CSN1S1: variants seen among roughly 807,000 people sequenced by gnomAD.
CSN1S1 encodes the protein alpha-S1-casein.
A neutral mutation model predicts 49.1 loss-of-function variants in CSN1S1; 63 were observed. The ratio of observed to expected loss-of-function variants is 1.28; its 90% CI spans 1.05 to 1.58. The LOEUF (loss-of-function observed/expected upper bound fraction) is 1.58, where lower values mean the gene tolerates loss of function less well. Among genes scored for constraint, CSN1S1 ranks in the 40% most tolerant of loss-of-function variants. The pLI, the probability that CSN1S1 is intolerant of heterozygous loss-of-function variation, is 0.00. For missense variants in CSN1S1, 260 were observed against 224.7 expected (o/e 1.16, Z -1.01); for synonymous variants, 78 against 67.1 (o/e 1.16, Z -0.79).
At chr4:69,933,590 A>C (rs1722676659) in intron 2 of CSN1S1, among the ~76,000 whole-genome samples, 1 of 152,004 alleles carries the variant, frequency 6.6e-6, no homozygotes, top group Non-Finnish European at 1.5e-5. Flanking sequence ...CTGTCTGAGC[A>C]GTTCTTATCT....
intron 14 of CSN1S1, among the ~76,000 whole-genome samples, chr4:69,944,123 T>C (rs1215843804): frequency 6.6e-6 from 1 of 152,024 alleles, no homozygotes; most frequent in East Asian, 1.9e-4. Flanking sequence ...AATCTTTACA[T>C]AGGCAGGTGT....
At chr4:69,945,680 C>T (rs573627828) in intron 15 of CSN1S1, among the ~76,000 whole-genome samples, 2 of 151,996 alleles carry the variant, frequency 1.3e-5, no homozygotes, top group South Asian at 2.1e-4. Context: ...AGTTAGGGCC[C>T]TTGGTAAGTT....
chr4:69,932,408 A>G, intron 1 of CSN1S1, 136 bp from the exon 2 acceptor site: 1 of 626,888 alleles, frequency 1.6e-6, no homozygotes, highest in South Asian at 2.2e-5. Flanking sequence ...AAGTTTATAA[A>G]AATTCACATT....
Position 69,945,001 on chromosome 4 carries a change from G to A in CSN1S1, c.554G>A (p.Trp185Ter), listed in dbSNP as rs1393352915. Residue 185 changes from tryptophan to a stop codon, truncating the protein, a stop_gained, in exon 15 of 16, where the codon TGG becomes TAG. Transcript: ENST00000246891. LOFTEE classifies it high-confidence loss of function. ...NYEKNNVMLQ[W>*] ...GAAAAAAATAACGTCATGCTACAGT[G>A]GTGGTAAGTTCATTTAAATTACTAC... 17 of 1,612,356 alleles carry A rather than the reference G, an allele frequency of 1.1e-5. No homozygotes were observed. Among genetic ancestry groups the A allele is most frequent in the Non-Finnish European group, 1.4e-5 (17 of 1,178,942 alleles).
chr4:69,933,339 G>T (rs575686797), intron 2 of CSN1S1, among the ~76,000 whole-genome samples: 1 of 152,098 alleles, frequency 6.6e-6, no homozygotes, highest in African/African-American at 2.4e-5. Context: ...TTAGAGGGAT[G>T]ATAAGGGATA....
chr4:69,939,743 A>T (rs1323216756), intron 10 of CSN1S1, among the ~76,000 whole-genome samples: 1 of 151,778 alleles, frequency 6.6e-6, no homozygotes, highest in African/African-American at 2.4e-5. Flanking sequence ...AAACCAACTC[A>T]CTTAAGTGGG....
chr4:69,936,681 A>G, intron 7 of CSN1S1, 74 bp downstream of exon 7: 7 of 1,357,160 alleles, frequency 5.2e-6, no homozygotes, highest in Non-Finnish European at 7.0e-6. Context: ...TTCCTTTAGG[A>G]AAAAAAAGCA....
In CSN1S1 at chr4:69,937,158, T is replaced by C. The variant is rs1722811974; in HGVS notation, c.219+14T>C. On this transcript the variant is annotated intron_variant, in intron 8 of 15. Coordinates refer to ENST00000246891, the MANE Select transcript of CSN1S1 (RefSeq NM_001890.2). ...GAGTCTACTCAGGTGAGACCCTTTG[T>C]TTTAAAATTATTAAACCAATATGAG... 2.6e-6 allele frequency: 4 copies of C among 1,518,734 alleles called. No individual in the cohort carries two copies. Among genetic ancestry groups the C allele is most frequent in the Non-Finnish European group, 3.5e-6 (4 of 1,128,744 alleles). The allele number at this position is 1,518,734 out of a possible 1,614,324, so 94.1% of individuals were successfully genotyped here.
At chr4:69,931,952 T>C (rs1487719347) in intron 1 of CSN1S1, among the ~76,000 whole-genome samples, 1 of 151,950 alleles carries the variant, frequency 6.6e-6, no homozygotes, top group Admixed American at 6.6e-5. Context: ...TATTCCAATG[T>C]AGCAAAACAC....
At chr4:69,941,794 T>C (rs1722975551) in intron 12 of CSN1S1, among the ~76,000 whole-genome samples, 1 of 151,882 alleles carries the variant, frequency 6.6e-6, no homozygotes, top group South Asian at 2.1e-4. Context: ...AGTACCCCAA[T>C]AGAATTCATC....
intron 14 of CSN1S1, among the ~76,000 whole-genome samples, 153 bp downstream of exon 14, chr4:69,942,730 A>G (rs912419431): frequency 3.9e-5 from 6 of 152,002 alleles, no homozygotes; most frequent in African/African-American, 1.4e-4. Context: ...ACTTCTAAGC[A>G]TATGACCTTG....
intron 11 of CSN1S1, 106 bp downstream of exon 11, chr4:69,940,150 C>G (rs1003718816): frequency 2.2e-6 from 1 of 461,558 alleles, no homozygotes; most frequent in African/African-American, 2.2e-5. Context: ...CACACACACA[C>G]GGGAAAACAT....
chr4:69,932,791 G>A (rs552927128), intron 2 of CSN1S1, among the ~76,000 whole-genome samples, 185 bp downstream of exon 2: 50 of 152,040 alleles, frequency 3.3e-4, no homozygotes, highest in African/African-American at 1.1e-3. Flanking sequence ...ATAGTCCACT[G>A]AGAGCCTTAA....
chr4:69,941,520 T>C (rs1722966895), intron 12 of CSN1S1, among the ~76,000 whole-genome samples: 1 of 151,932 alleles, frequency 6.6e-6, no homozygotes, highest in Non-Finnish European at 1.5e-5. Flanking sequence ...ACACTGGTTT[T>C]GACCCTTTTG....
chr4:69,944,300 C>T (rs924807366), intron 14 of CSN1S1, among the ~76,000 whole-genome samples: 1 of 151,736 alleles, frequency 6.6e-6, no homozygotes, highest in Non-Finnish European at 1.5e-5. Context: ...AGCAACTATT[C>T]CAAAATTATA....
chr4:69,931,713 G>A (rs1284903503), intron 1 of CSN1S1, among the ~76,000 whole-genome samples: 1 of 151,696 alleles, frequency 6.6e-6, no homozygotes, highest in Non-Finnish European at 1.5e-5. Flanking sequence ...GTAGACTGAA[G>A]CAATATATAT....
chr4:69,944,849 G>T lies in CSN1S1; in HGVS notation c.403-1G>T. 1 of 1,611,956 alleles carries T rather than the reference G, an allele frequency of 6.2e-7. No individual in the cohort carries two copies. The highest frequency in any genetic ancestry group is 8.5e-7 in the Non-Finnish European group (1 of 1,178,674). On this transcript the variant is annotated splice_acceptor_variant, in intron 14 of 15. Transcript: ENST00000246891. LOFTEE classifies it high-confidence loss of function. ...TGCTTTTCAAATGTTTTTCCCTCTA[G>T]CCTTTCCAGCAGCTCAACCAACTTG...
chr4:69,938,773 C>T (rs1283388163), intron 9 of CSN1S1, among the ~76,000 whole-genome samples: 1 of 151,478 alleles, frequency 6.6e-6, no homozygotes, highest in Non-Finnish European at 1.5e-5. Context: ...CCATTTTATT[C>T]ACATCAAAGA....
At chr4:69,940,938 A>T in intron 11 of CSN1S1, 81 bp from the exon 12 acceptor site, 2 of 708,498 alleles carry the variant, frequency 2.8e-6, no homozygotes, top group Non-Finnish European at 4.7e-6. Context: ...GCATTGTTAG[A>T]TTCTTGTTTC....
Sources: gnomAD v4.1 joint callset for allele counts (sites outside exome capture counted in the v4.1 genomes callset) on GRCh38, gnomAD v4.1.1 for gene constraint, MANE v1.5 for transcripts, NCBI Gene and HGNC (gene_info 2026-07-23, HGNC 2026-07-21) for gene names.